The following SMIM23 variants were observed in gnomAD, a reference collection of about 807,000 sequenced individuals.
SMIM23 encodes the protein small integral membrane protein 23.
In SMIM23, 10 loss-of-function variants were observed where a neutral mutation model predicts 12.8. That is an observed-to-expected ratio of 0.78 (90% CI 0.48 to 1.32). The LOEUF (loss-of-function observed/expected upper bound fraction) is 1.32. SMIM23 is among the 40% of genes most tolerant of loss of function. SMIM23 has a pLI of 0.00. For missense variants in SMIM23, 184 were observed against 198.2 expected (o/e 0.93, Z 0.43); for synonymous variants, 78 against 80.1 (o/e 0.97, Z 0.14).
chr5:171,787,830 T>G (rs2113651392), intron 1 of SMIM23, among the ~76,000 whole-genome samples: 1 of 152,348 alleles, frequency 6.6e-6, no homozygotes, highest in South Asian at 2.1e-4. Context: ...GTTTTCTATG[T>G]TCTTGAATTT....
chr5:171,790,880 C>G lies in SMIM23; in HGVS notation c.311C>G (p.Ser104Trp), dbSNP rs779967460. ...NWLKEKLHVF[S>W]EKLEEEVQQL... ...CTGAAGGAGAAGTTGCATGTCTTCT[C>G]GGAGAAGTTAGAGGAAGAGGTGCAG... The change falls in exon 4 of 4, where the codon TCG (serine) becomes TGG (tryptophan). Residue 104 changes from serine (S) to tryptophan (W), a missense_variant. Ser to Trp is a radical substitution (Grantham distance 177, BLOSUM62 -3). Coordinates refer to ENST00000523047, the MANE Select transcript of SMIM23 (RefSeq NM_001289970.2). 4.2e-5 allele frequency: 64 copies of G among 1,535,994 alleles called. No homozygotes were observed. Among genetic ancestry groups the G allele is most frequent in the Middle Eastern group, 1.7e-4 (1 of 6,012 alleles).
At chr5:171,790,622 TG>T in intron 3 of SMIM23, 73 bp downstream of exon 3, 1 of 1,447,976 alleles carries the variant, frequency 6.9e-7, no homozygotes, top group Non-Finnish European at 9.4e-7. Context: ...ATTGGCAACA[TG>T]GGTCATGAAA....
chr5:171,790,822 T>G lies in SMIM23; in HGVS notation c.253T>G (p.Ser85Ala), dbSNP rs1346180155. The change falls in exon 4 of 4, where the codon TCA becomes GCA. Residue 85 changes from serine (S) to alanine (A), a missense_variant. Ser to Ala is a moderately conservative substitution (Grantham distance 99). Coordinates refer to ENST00000523047, the MANE Select transcript of SMIM23 (RefSeq NM_001289970.2). The part of the protein sequence containing the change: ...QGLEYQTNEP[S>A]EEPIKTIRNW... ...GCTTGAATATCAGACCAACGAGCCCTCAGAAGAACCGATAAAGACCATCAG... is the reference window on the plus strand; with the variant it reads ...GCTTGAATATCAGACCAACGAGCCCGCAGAAGAACCGATAAAGACCATCAG... The G allele has an allele frequency of 2.0e-6, 3 of 1,535,916 alleles. No homozygotes were observed. The African/African-American group carries it at 4.1e-5, about 21-fold the overall frequency.
Position 171,790,525 on chromosome 5 carries a change from C to A in SMIM23, c.201C>A (p.Tyr67Ter), listed in dbSNP as rs1755903064. 2.0e-6 allele frequency: 3 copies of A among 1,536,648 alleles called. No homozygotes were observed. Among genetic ancestry groups the A allele is most frequent in the Non-Finnish European group, 1.7e-6 (2 of 1,147,074 alleles). Residue 67 changes from tyrosine (Y) to a stop codon, truncating the protein, a stop_gained, in exon 3 of 4, where the codon TAC (tyrosine) becomes TAA (stop). Coordinates refer to ENST00000523047, the MANE Select transcript of SMIM23 (RefSeq NM_001289970.2). LOFTEE classifies it low-confidence loss of function (END_TRUNC). ...EVSERIRECN[Y>*]YQNLAVPQGL... is the part of the protein sequence containing the mutation. ...CAGAAAGGATCAGAGAATGTAACTA[C>A]TACCAGAATCTTGCAGTTCCCCAGG...
chr5:171,779,431 G>A (rs543953674), upstream of SMIM23, among the ~76,000 whole-genome samples: 1 of 152,232 alleles, frequency 6.6e-6, no homozygotes, highest in East Asian at 1.9e-4. Flanking sequence ...TCTTTATTCT[G>A]TAGACTAAAG....
the SMIM23 span, among the ~76,000 whole-genome samples, chr5:171,774,985 T>A: frequency 2.6e-5 from 4 of 152,122 alleles, no homozygotes; most frequent in African/African-American, 7.2e-5. Context: ...CCTCTGGTGG[T>A]CAGAGAATGA....
At chr5:171,774,850 C>T in the SMIM23 span, 2 of 341,796 alleles carry the variant, frequency 5.9e-6, no homozygotes, top group Non-Finnish European at 5.7e-6. Flanking sequence ...GCCGTGTCTA[C>T]AGGCCCACTC....
At chr5:171,787,728 T>C (rs939009596) in intron 1 of SMIM23, among the ~76,000 whole-genome samples, 1 of 152,266 alleles carries the variant, frequency 6.6e-6, no homozygotes, top group African/African-American at 2.4e-5. Context: ...CTATGGAACA[T>C]TTCTAGCACT....
Position 171,790,786 on chromosome 5 carries a change from GC to G in SMIM23, c.226-7del. 1 of 1,536,128 alleles carries G rather than the reference GC, an allele frequency of 6.5e-7. No individual in the cohort carries two copies. Among genetic ancestry groups the G allele is most frequent in the Non-Finnish European group, 8.7e-7 (1 of 1,146,904 alleles). ...AGCACAGGATGCCACTTCTGTGTCTGCCTTCCAGGGGCTTGAATATCAGACC... is the reference window on the plus strand; with the variant it reads ...AGCACAGGATGCCACTTCTGTGTCTGCTTCCAGGGGCTTGAATATCAGACC... On this transcript the variant is annotated splice_region_variant and splice_polypyrimidine_tract_variant and intron_variant, in intron 3 of 3. Coordinates refer to ENST00000523047, the MANE Select transcript of SMIM23 (RefSeq NM_001289970.2).
chr5:171,784,228 G>T (rs773768840), upstream of SMIM23, among the ~76,000 whole-genome samples: 16 of 152,218 alleles, frequency 1.1e-4, no homozygotes, highest in South Asian at 3.1e-3. Flanking sequence ...GAAAACAGCC[G>T]GGTGCAGTGG....
At chr5:171,781,242 A>C (rs1317534423), upstream of SMIM23, among the ~76,000 whole-genome samples, 1 of 152,196 alleles carries the variant, frequency 6.6e-6, no homozygotes, top group East Asian at 1.9e-4. Context: ...TGTAAAATCG[A>C]GCTGCAGACA....
upstream of SMIM23, among the ~76,000 whole-genome samples, chr5:171,780,720 C>T (rs1233816141): frequency 6.6e-6 from 1 of 152,160 alleles, no homozygotes; most frequent in Non-Finnish European, 1.5e-5. Context: ...GCAAGACCAT[C>T]AAGATGATGC....
chr5:171,783,207 G>C (rs1355706802), upstream of SMIM23, among the ~76,000 whole-genome samples: 1 of 152,204 alleles, frequency 6.6e-6, no homozygotes, highest in Non-Finnish European at 1.5e-5. Flanking sequence ...TGGGATAGAA[G>C]ACACCACATA....
At chr5:171,774,148 A>G in the SMIM23 span, among the ~76,000 whole-genome samples, 2 of 152,236 alleles carry the variant, frequency 1.3e-5, no homozygotes, top group Admixed American at 6.5e-5. Context: ...AACACAATCA[A>G]GATTTTGGTG....
intron 1 of SMIM23, among the ~76,000 whole-genome samples, chr5:171,787,004 CTTTTTTTTTTTT>C (rs202159150): frequency 1.2e-3 from 86 of 71,284 alleles, no homozygotes; most frequent in Middle Eastern, 0.021. Context: ...CCATTGTTTC[CTTTTTTTTTTTT>C]TTTTTTTTTT....
upstream of SMIM23, among the ~76,000 whole-genome samples, chr5:171,780,319 A>G (rs1397765377): frequency 6.6e-6 from 1 of 151,598 alleles, no homozygotes; most frequent in Admixed American, 6.6e-5. Context: ...CTCTTCCTTT[A>G]CTAGGAAGTG....
At chr5:171,782,628 CACCTGCTTTACTCATTCGGCAAATATTT>C (rs1755748362), upstream of SMIM23, 1 of 152,204 alleles carries the variant, frequency 6.6e-6, no homozygotes, top group African/African-American at 2.4e-5. Context: ...AAAATCATAC[CACCTGCTTTACTCATTCGGCAAATATTT>C]ACTGAGCCAA....
At chr5:171,787,004 C>CTTTTTTTTT (rs202159150) in intron 1 of SMIM23, among the ~76,000 whole-genome samples, 24 of 71,288 alleles carry the variant, frequency 3.4e-4, no homozygotes, top group South Asian at 5.4e-4. Flanking sequence ...CCATTGTTTC[C>CTTTTTTTTT]TTTTTTTTTT....
chr5:171,790,418 T>G (rs1281241653), intron 2 of SMIM23, 64 bp from the exon 3 acceptor site: 2 of 1,522,588 alleles, frequency 1.3e-6, no homozygotes, highest in East Asian at 4.9e-5. Flanking sequence ...CTGGGATAAC[T>G]AACCATGTTT....
Sources: allele counts gnomAD v4.1 joint callset (sites outside exome capture counted in the v4.1 genomes callset), GRCh38; gene constraint gnomAD v4.1.1; transcripts MANE v1.5; gene names NCBI Gene and HGNC (gene_info 2026-07-23, HGNC 2026-07-21).